SYNPR: variants seen among roughly 807,000 people sequenced by gnomAD.
SYNPR encodes the protein synaptoporin.
SYNPR carries 23 observed loss-of-function variants against 32.9 expected under a neutral mutation model. The observed-to-expected ratio is 0.70, with a 90% CI of 0.50 to 0.99. The LOEUF is 0.99. Among genes scored for constraint, SYNPR ranks in the 50% least tolerant of loss-of-function variants. The probability of loss-of-function intolerance (pLI) is 0.00; values close to 1 mark genes in which losing one functional copy is unlikely to be tolerated. For synonymous variants in SYNPR, 146 were observed against 135.9 expected, an observed-to-expected ratio of 1.07 and a Z score of -0.52; for missense variants, 318 against 349.3, an observed-to-expected ratio of 0.91 and a Z score of 0.71.
chr3:63,590,971 T>C (rs1029206148), intron 4 of SYNPR, among the ~76,000 whole-genome samples: 45 of 147,402 alleles, frequency 3.1e-4, no homozygotes, highest in African/African-American at 1.0e-3. Context: ...CTAATTAAAC[T>C]AAAGAGCTTC....
intron 3 of SYNPR, among the ~76,000 whole-genome samples, chr3:63,531,721 T>TA (rs755652634): frequency 5.6e-4 from 85 of 152,310 alleles, no homozygotes; most frequent in Non-Finnish European, 1.0e-3. Context: ...AAAAGTGGCC[T>TA]CTGCCCAGTG....
intron 2 of SYNPR, among the ~76,000 whole-genome samples, chr3:63,391,425 A>T (rs559377437): frequency 6.6e-6 from 1 of 152,282 alleles, no homozygotes; most frequent in African/African-American, 2.4e-5. Flanking sequence ...TATAATCACC[A>T]TTGTCTGAAC....
chr3:63,311,775 T>C (rs1465382654), intron 2 of SYNPR, among the ~76,000 whole-genome samples: 1 of 152,042 alleles, frequency 6.6e-6, no homozygotes, highest in African/African-American at 2.4e-5. Context: ...TCAAACAGGT[T>C]ATGTCATTAT....
chr3:63,457,178 CTT>C (rs1013273487), intron 2 of SYNPR, among the ~76,000 whole-genome samples: 7 of 152,220 alleles, frequency 4.6e-5, no homozygotes, highest in Non-Finnish European at 1.0e-4. Flanking sequence ...TTAAAATCCT[CTT>C]GTTTTCCTTC....
chr3:63,457,802 A>T (rs1280289748), intron 2 of SYNPR, among the ~76,000 whole-genome samples: 1 of 152,034 alleles, frequency 6.6e-6, no homozygotes, highest in Non-Finnish European at 1.5e-5. Context: ...AAGGGAGAAG[A>T]CCCTACTGCT....
intron 2 of SYNPR, among the ~76,000 whole-genome samples, chr3:63,396,766 C>T (rs2088219596): frequency 6.6e-6 from 1 of 152,122 alleles, no homozygotes; most frequent in African/African-American, 2.4e-5. Context: ...CTTCAGGCTT[C>T]TTGAGTACTA....
intron 2 of SYNPR, among the ~76,000 whole-genome samples, chr3:63,347,342 T>C (rs898183493): frequency 2.6e-5 from 4 of 152,352 alleles, no homozygotes; most frequent in African/African-American, 7.2e-5. Context: ...GAATTTTCTA[T>C]GTGATTTTTA....
intron 2 of SYNPR, among the ~76,000 whole-genome samples, chr3:63,364,563 G>T (rs1216526281): frequency 1.3e-5 from 2 of 152,200 alleles, no homozygotes; most frequent in African/African-American, 2.4e-5. Flanking sequence ...AAGAGTAAAA[G>T]TAAGTTAGAA....
At chr3:63,595,093 A>G (rs1699910445) in intron 4 of SYNPR, among the ~76,000 whole-genome samples, 1 of 152,178 alleles carries the variant, frequency 6.6e-6, no homozygotes, top group African/African-American at 2.4e-5. Flanking sequence ...TTTCCAAGTA[A>G]GTGTTTTGCA....
intron 2 of SYNPR, among the ~76,000 whole-genome samples, chr3:63,317,553 C>G (rs1330722085): frequency 6.6e-6 from 1 of 151,918 alleles, no homozygotes; most frequent in Non-Finnish European, 1.5e-5. Context: ...AATGGCTACC[C>G]CCTGCTCACT....
upstream of SYNPR, among the ~76,000 whole-genome samples, chr3:63,225,733 C>T (rs950220254): frequency 2.0e-5 from 3 of 152,222 alleles, no homozygotes; most frequent in African/African-American, 7.2e-5. Flanking sequence ...TCCTATTGGA[C>T]ATTGGTCTAG....
intron 3 of SYNPR, among the ~76,000 whole-genome samples, chr3:63,497,992 GA>G (rs563654130): frequency 3.3e-5 from 5 of 151,690 alleles, no homozygotes; most frequent in East Asian, 3.9e-4. Flanking sequence ...CAGGGAGTAA[GA>G]AAAAAAAGTA....
intron 2 of SYNPR, among the ~76,000 whole-genome samples, chr3:63,298,487 A>G (rs1384718720): frequency 2.6e-5 from 4 of 152,170 alleles, no homozygotes; most frequent in Non-Finnish European, 5.9e-5. Flanking sequence ...GACAAAACCA[A>G]TACAAGAGCC....
chr3:63,398,292 G>T (rs2088243262), intron 2 of SYNPR, among the ~76,000 whole-genome samples: 1 of 152,184 alleles, frequency 6.6e-6, no homozygotes, highest in Non-Finnish European at 1.5e-5. Context: ...TTCTGATTTT[G>T]GGTTGGAAGT....
At chr3:63,407,224 C>A (rs1217701844) in intron 2 of SYNPR, among the ~76,000 whole-genome samples, 1 of 152,182 alleles carries the variant, frequency 6.6e-6, no homozygotes, top group South Asian at 2.1e-4. Flanking sequence ...ACAGCATAGA[C>A]CAGGATTGGC....
chr3:63,387,940 G>A (rs1451748431), intron 2 of SYNPR, among the ~76,000 whole-genome samples: 1 of 152,076 alleles, frequency 6.6e-6, no homozygotes, highest in East Asian at 1.9e-4. Context: ...TTGGATCATT[G>A]GATCAACACC....
intron 4 of SYNPR, among the ~76,000 whole-genome samples, chr3:63,601,266 G>T (rs6445366): frequency 0.83 from 124,221 of 150,260 alleles, 51,623 homozygotes; most frequent in African/African-American, 0.92. Context: ...AGAGCAAAAC[G>T]CCATCTCAAA....
intron 2 of SYNPR, among the ~76,000 whole-genome samples, chr3:63,379,529 T>G (rs1474563873): frequency 3.9e-5 from 6 of 152,174 alleles, no homozygotes; most frequent in Non-Finnish European, 7.4e-5. Flanking sequence ...CATTTAGAAC[T>G]GCTATGTCTT....
At chr3:63,259,213 C>T (rs149902059) in intron 2 of SYNPR, among the ~76,000 whole-genome samples, 2,002 of 152,292 alleles carry the variant, frequency 0.013, 40 homozygotes, top group African/African-American at 0.046. Context: ...TCCTCCCTAA[C>T]TCATTTTATG....
Sources: allele counts gnomAD v4.1 joint callset (sites outside exome capture counted in the v4.1 genomes callset), GRCh38; gene constraint gnomAD v4.1.1; transcripts MANE v1.5; gene names NCBI Gene and HGNC (gene_info 2026-07-23, HGNC 2026-07-21).